GULP1: variants seen among roughly 807,000 people sequenced by gnomAD.
GULP1 encodes the protein PTB domain-containing engulfment adapter protein 1.
GULP1 carries 19 observed loss-of-function variants against 40.9 expected under a neutral mutation model. That is an observed-to-expected ratio of 0.46 (90% CI 0.32 to 0.68). GULP1 has a LOEUF of 0.68. Among genes scored for constraint, GULP1 ranks in the 30% least tolerant of loss-of-function variants. The pLI, the probability that GULP1 is intolerant of heterozygous loss-of-function variation, is 0.03. For missense variants in GULP1, 312 were observed against 362.2 expected (o/e 0.86, Z 1.12); for synonymous variants, 119 against 117.6 (o/e 1.01, Z -0.08).
intron 2 of GULP1, among the ~76,000 whole-genome samples, chr2:188,461,311 T>G (rs1435085432): frequency 1.3e-5 from 2 of 149,944 alleles, no homozygotes; most frequent in East Asian, 3.9e-4. Flanking sequence ...TTCATTTTAC[T>G]GGTAAGCTTT....
chr2:188,533,660 C>CA (rs1688137345), intron 6 of GULP1, among the ~76,000 whole-genome samples: 1 of 152,116 alleles, frequency 6.6e-6, no homozygotes, highest in South Asian at 2.1e-4. Flanking sequence ...AGCCTCTGCA[C>CA]AGCAAAAGAA....
intron 2 of GULP1, among the ~76,000 whole-genome samples, chr2:188,409,168 C>T (rs2053542844): frequency 6.6e-6 from 1 of 151,892 alleles, no homozygotes; most frequent in African/African-American, 2.4e-5. Flanking sequence ...AATAGGACAA[C>T]AATAACAAAG....
chr2:188,338,663 G>A (rs2042589611), intron 1 of GULP1, among the ~76,000 whole-genome samples: 1 of 152,068 alleles, frequency 6.6e-6, no homozygotes, highest in Non-Finnish European at 1.5e-5. Flanking sequence ...TATGTCATCA[G>A]CATTTTATGA....
chr2:188,442,984 G>A (rs2058065233), intron 2 of GULP1, among the ~76,000 whole-genome samples: 1 of 152,132 alleles, frequency 6.6e-6, no homozygotes. Context: ...AGTCTTAGGA[G>A]ACTGAAAATT....
intron 2 of GULP1, among the ~76,000 whole-genome samples, chr2:188,414,234 A>G: frequency 6.6e-6 from 1 of 151,642 alleles, no homozygotes; most frequent in East Asian, 1.9e-4. Context: ...AAAAAAAAAA[A>G]AAGAAAAAGA....
chr2:188,368,898 A>G (rs1444570055), intron 1 of GULP1, among the ~76,000 whole-genome samples: 2 of 137,982 alleles, frequency 1.4e-5, no homozygotes, highest in Non-Finnish European at 3.1e-5. Flanking sequence ...TTGAGAGTGT[A>G]TTAATAGATA....
chr2:188,532,148 G>T (rs960370372), intron 6 of GULP1, among the ~76,000 whole-genome samples: 1 of 151,970 alleles, frequency 6.6e-6, no homozygotes. Flanking sequence ...TATTTGAAAC[G>T]ACCTATGGTA....
At chr2:188,332,137 TA>T (rs2152060267) in intron 1 of GULP1, among the ~76,000 whole-genome samples, 1 of 151,804 alleles carries the variant, frequency 6.6e-6, no homozygotes, top group South Asian at 2.1e-4. Context: ...ATGATAGCAT[TA>T]ATAGTCATCT....
chr2:188,524,674 T>A (rs1685703928), intron 5 of GULP1, among the ~76,000 whole-genome samples: 1 of 151,372 alleles, frequency 6.6e-6, no homozygotes, highest in African/African-American at 2.4e-5. Flanking sequence ...GAATATTTTT[T>A]AAATGTCAAG....
chr2:188,297,236 T>C (rs1237559719), intron 1 of GULP1, among the ~76,000 whole-genome samples: 1 of 151,918 alleles, frequency 6.6e-6, no homozygotes, highest in African/African-American at 2.4e-5. Context: ...GTTGGCAAGA[T>C]CTTCTACCTA....
chr2:188,513,015 C>T (rs2064756179), intron 4 of GULP1, among the ~76,000 whole-genome samples: 1 of 152,006 alleles, frequency 6.6e-6, no homozygotes, highest in African/African-American at 2.4e-5. Context: ...CAGACTGCAG[C>T]CTGTAAAATG....
At chr2:188,506,333 G>A (rs1455963517) in intron 4 of GULP1, among the ~76,000 whole-genome samples, 1 of 151,766 alleles carries the variant, frequency 6.6e-6, no homozygotes, top group Non-Finnish European at 1.5e-5. Context: ...CTACTCGTTT[G>A]CATTTATATA....
intron 1 of GULP1, among the ~76,000 whole-genome samples, chr2:188,356,813 A>G (rs900353312): frequency 6.6e-5 from 10 of 152,118 alleles, no homozygotes; most frequent in African/African-American, 2.2e-4. Context: ...AAAATATACT[A>G]TGAAGTGCTG....
intron 2 of GULP1, among the ~76,000 whole-genome samples, chr2:188,474,225 C>T (rs2060823239): frequency 1.3e-5 from 2 of 152,128 alleles, no homozygotes; most frequent in African/African-American, 4.8e-5. Flanking sequence ...TCTTTTGGAG[C>T]TTAATTGCCT....
chr2:188,543,953 A>G (rs1691219880), intron 7 of GULP1, among the ~76,000 whole-genome samples: 1 of 152,136 alleles, frequency 6.6e-6, no homozygotes, highest in Non-Finnish European at 1.5e-5. Context: ...TAACAGTATC[A>G]TGTTGTATTA....
At chr2:188,528,241 C>T (rs916905218) in intron 5 of GULP1, among the ~76,000 whole-genome samples, 4 of 151,874 alleles carry the variant, frequency 2.6e-5, no homozygotes, top group Non-Finnish European at 4.4e-5. Context: ...ATACTAAATA[C>T]TATATATATG....
intron 7 of GULP1, among the ~76,000 whole-genome samples, chr2:188,565,732 T>C (rs908800672): frequency 1.3e-5 from 2 of 152,106 alleles, no homozygotes; most frequent in Admixed American, 6.6e-5. Flanking sequence ...AGAAGAATGT[T>C]TGTGGTAGTT....
intron 4 of GULP1, among the ~76,000 whole-genome samples, chr2:188,501,618 G>A (rs1005476433): frequency 6.6e-6 from 1 of 151,902 alleles, no homozygotes; most frequent in African/African-American, 2.4e-5. Context: ...TTGTTTCAAT[G>A]TAAGTAGAAA....
intron 2 of GULP1, among the ~76,000 whole-genome samples, chr2:188,412,619 G>A (rs1260632852): frequency 1.3e-5 from 2 of 152,076 alleles, no homozygotes; most frequent in South Asian, 2.1e-4. Context: ...AACCCTTTAC[G>A]ATACTGTTGA....
Sources: gnomAD v4.1 joint callset for allele counts (sites outside exome capture counted in the v4.1 genomes callset) on GRCh38, gnomAD v4.1.1 for gene constraint, MANE v1.5 for transcripts, NCBI Gene and HGNC (gene_info 2026-07-23, HGNC 2026-07-21) for gene names.